ATG14: variants seen among roughly 807,000 people sequenced by gnomAD.
ATG14 encodes autophagy related 14.
Under a neutral mutation model 60.4 loss-of-function variants are expected in ATG14, and 35 were observed. The ratio of observed to expected loss-of-function variants is 0.58; its 90% CI spans 0.44 to 0.77. The LOEUF is 0.77. ATG14 is among the 30% of genes least tolerant of loss of function. ATG14 has a pLI of 0.00. For missense variants in ATG14, 647 were observed against 626.3 expected, an observed-to-expected ratio of 1.03 and a Z score of -0.35; for synonymous variants, 234 against 228.8, an observed-to-expected ratio of 1.02 and a Z score of -0.21.
Position 55,380,605 on chromosome 14 carries a change from A to G in ATG14, c.963T>C (p.Leu321=), listed in dbSNP as rs1460668646. ...TQLVNILSHI[L]DVNLPKKLCN... is the part of the protein sequence containing the mutation. ...AGAGCTTTTTGGGAAGATTTACATC[A>G]AGTATATGAGACAGAATGTTGACCA... Residue 321 remains leucine (L), a synonymous_variant, in exon 7 of 10, where the codon CTT becomes CTC. Coordinates refer to ENST00000247178, the MANE Select transcript of ATG14 (RefSeq NM_014924.5). 1.9e-6 allele frequency: 3 copies of G among 1,612,562 alleles called. No homozygotes were observed. The highest frequency in any genetic ancestry group is 1.7e-6 in the Non-Finnish European group (2 of 1,179,298).
rs1412693338 is a variant in ATG14, at chr14:55,411,790, C to G, written c.33G>C (p.Ala11=). 1.9e-6 allele frequency: 3 copies of G among 1,600,746 alleles called. No individual in the cohort carries two copies. The African/African-American group carries it at 4.0e-5, about 21-fold the overall frequency. Residue 11 remains alanine (A), a synonymous_variant, in exon 1 of 10, where the codon GCG becomes GCC. Transcript: ENST00000247178. MASPSGKGAR[A]LEAPGCGPRP... ...GGGGCCCGCAGCCAGGAGCCTCCAGCGCCCGGGCTCCCTTCCCACTGGGAG... is the reference window on the plus strand; with the variant it reads ...GGGGCCCGCAGCCAGGAGCCTCCAGGGCCCGGGCTCCCTTCCCACTGGGAG...
chr14:55,393,254 G>A (rs537327472), intron 3 of ATG14, among the ~76,000 whole-genome samples: 133 of 152,136 alleles, frequency 8.7e-4, no homozygotes, highest in Non-Finnish European at 1.2e-3. Context: ...GCGTGGTGGT[G>A]GGCGCCTGTA....
rs767535017 is a variant in ATG14 at position 55,367,129 on chromosome 14, C to T, written c.*2490G>A. 6.6e-6 allele frequency: 1 copy of T among 152,460 alleles called. No individual in the cohort carries two copies. The highest frequency in any genetic ancestry group is 1.5e-5 in the Non-Finnish European group (1 of 68,050). 9.4% of individuals were successfully genotyped at this position (152,460 alleles called of 1,614,324 possible). On this transcript the variant is annotated 3_prime_UTR_variant, in exon 10 of 10. Coordinates refer to ENST00000247178, the MANE Select transcript of ATG14 (RefSeq NM_014924.5). ...AGTACTCTAGATGAGTTTGTGATCT[C>T]TGGATTCTATTCTTTAGCTTCATCT...
intron 9 of ATG14, among the ~76,000 whole-genome samples, chr14:55,370,699 T>G (rs1406581522): frequency 6.6e-6 from 1 of 152,018 alleles, no homozygotes; most frequent in African/African-American, 2.4e-5. Flanking sequence ...TGGAGTGCAG[T>G]GGCGCCATCT....
intron 9 of ATG14, among the ~76,000 whole-genome samples, chr14:55,372,561 C>CCCTTTCTTTCCATCCTTTCTT: frequency 6.6e-6 from 1 of 151,180 alleles, no homozygotes; most frequent in African/African-American, 2.4e-5. Flanking sequence ...CTTTCTCCCT[C>CCCTTTCTTTCCATCCTTTCTT]CCTCCCTTCT....
At chr14:55,370,004 C>T (rs1332405861) in intron 9 of ATG14, 79 bp from the exon 10 acceptor site, 48 of 1,416,878 alleles carry the variant, frequency 3.4e-5, no homozygotes, top group Non-Finnish European at 4.3e-5. Flanking sequence ...CCTGAAGGCC[C>T]TCACCTGAGG....
intron 1 of ATG14, among the ~76,000 whole-genome samples, chr14:55,403,628 T>C (rs753944774): frequency 1.3e-5 from 2 of 152,168 alleles, no homozygotes; most frequent in South Asian, 4.2e-4. Flanking sequence ...GGAATAATAT[T>C]GTGTACCGGC....
chr14:55,369,803 C>T lies in ATG14; in HGVS notation c.1295G>A (p.Gly432Asp). ...ERVSDEETDL[G>D]TDWENLPSPR... is the part of the protein sequence containing the mutation. ...ACTAGGCAAGTTCTCCCAGTCTGTGCCCAGGTCGGTTTCTTCATCGCTGAC... is the reference window on the plus strand; with the variant it reads ...ACTAGGCAAGTTCTCCCAGTCTGTGTCCAGGTCGGTTTCTTCATCGCTGAC... Residue 432 changes from glycine (G) to aspartate (D), a missense_variant, in exon 10 of 10, where the codon GGC becomes GAC. Gly to Asp is a moderately conservative substitution (Grantham distance 94). Coordinates refer to ENST00000247178, the MANE Select transcript of ATG14 (RefSeq NM_014924.5). The T allele has an allele frequency of 1.2e-6, 2 of 1,614,184 alleles. No individual in the cohort carries two copies. Among genetic ancestry groups the T allele is most frequent in the East Asian group, 2.2e-5 (1 of 44,882 alleles).
chr14:55,373,883 C>T (rs1248099465), intron 9 of ATG14, among the ~76,000 whole-genome samples: 1 of 152,018 alleles, frequency 6.6e-6, no homozygotes, highest in East Asian at 1.9e-4. Context: ...GAAATCCCAC[C>T]CAGGTTCCAT....
intron 4 of ATG14, among the ~76,000 whole-genome samples, chr14:55,386,662 C>G (rs1038271058): frequency 1.3e-5 from 2 of 152,170 alleles, no homozygotes; most frequent in Admixed American, 6.5e-5. Context: ...TATCTAGACA[C>G]GCATGCCCAG....
At chr14:55,402,944 TATATATATATATATATATATATATAA>T (rs1383635987) in intron 1 of ATG14, among the ~76,000 whole-genome samples, 20 of 53,766 alleles carry the variant, frequency 3.7e-4, no homozygotes, top group Middle Eastern at 9.6e-3. Flanking sequence ...TATATATATA[TATATATATATATATATATATATATAA>T]ATAGCTGGGC....
intron 3 of ATG14, among the ~76,000 whole-genome samples, chr14:55,392,948 T>C (rs1254819550): frequency 5.9e-5 from 9 of 152,202 alleles, no homozygotes; most frequent in African/African-American, 2.2e-4. Context: ...ACAGAGTCTT[T>C]AGAAATGAAT....
Position 55,411,830 on chromosome 14 carries a change from T to C in ATG14, c.-8A>G. The C allele has an allele frequency of 2.5e-6, 4 of 1,582,482 alleles. No homozygotes were observed. Among genetic ancestry groups the C allele is most frequent in the Non-Finnish European group, 3.4e-6 (4 of 1,164,752 alleles). On this transcript the variant is annotated 5_prime_UTR_variant, in exon 1 of 10. Coordinates refer to ENST00000247178, the MANE Select transcript of ATG14 (RefSeq NM_014924.5). ...CCCACTGGGAGACGCCATGATGGCC[T>C]GAGAGGAGAGCCAGTCACGTGGGAT...
At chr14:55,376,709 G>C (rs1310074731) in intron 9 of ATG14, among the ~76,000 whole-genome samples, 1 of 152,168 alleles carries the variant, frequency 6.6e-6, no homozygotes, top group African/African-American at 2.4e-5. Flanking sequence ...ATGCGGAAGG[G>C]AAACCCAAAA....
At chr14:55,370,747 T>G (rs1220956210) in intron 9 of ATG14, among the ~76,000 whole-genome samples, 2 of 152,132 alleles carry the variant, frequency 1.3e-5, no homozygotes, top group East Asian at 3.9e-4. Context: ...TGCAAGCGAT[T>G]CTCCTGCCTC....
At position 55,388,091 on chromosome 14, in the gene ATG14, C is replaced by T. The variant is rs937502253; in HGVS notation, c.410-1995G>A. Among the ~76,000 whole-genome samples, 4 of 152,124 alleles carry T rather than the reference C, an allele frequency of 2.6e-5. No individual in the cohort carries two copies. In the South Asian group the frequency reaches 6.2e-4, roughly 24 times the overall value. On this transcript the variant is annotated intron_variant, in intron 4 of 9. Transcript: ENST00000247178. Reference sequence around the variant, plus strand: ...GGTGAAGGTTGCAGTGAGCCGAGATCGTGCCACTGCACTCCAGCCTGGGCG... The same window carrying T: ...GGTGAAGGTTGCAGTGAGCCGAGATTGTGCCACTGCACTCCAGCCTGGGCG...
In ATG14 at chr14:55,367,780, T is replaced by TAC. The variant is rs1884714412; in HGVS notation, c.*1837_*1838dup. The TAC allele has an allele frequency of 6.6e-6, 1 of 151,398 alleles. No individual in the cohort carries two copies. Among genetic ancestry groups the TAC allele is most frequent in the South Asian group, 2.1e-4 (1 of 4,800 alleles). 9.4% of individuals were successfully genotyped at this position (151,398 alleles called of 1,614,324 possible). ...AAGACCACCCACAACGAGAAAAGCC[T>TAC]ACTTCCTCCTTTCATGGAAAATTCA... On this transcript the variant is annotated 3_prime_UTR_variant, in exon 10 of 10. Transcript: ENST00000247178.
chr14:55,383,552 A>G (rs1450399638), intron 5 of ATG14, among the ~76,000 whole-genome samples: 1 of 152,020 alleles, frequency 6.6e-6, no homozygotes, highest in Non-Finnish European at 1.5e-5. Context: ...CTCCATCTCA[A>G]AAAAACACAA....
intron 1 of ATG14, among the ~76,000 whole-genome samples, chr14:55,399,862 C>T (rs1885369822): frequency 4.6e-5 from 7 of 152,190 alleles, no homozygotes; most frequent in Admixed American, 3.9e-4. Flanking sequence ...GGAAGACAGA[C>T]AACTGTGTCT....
Sources: allele counts gnomAD v4.1 joint callset (sites outside exome capture counted in the v4.1 genomes callset), GRCh38; gene constraint gnomAD v4.1.1; transcripts MANE v1.5; gene names NCBI Gene and HGNC (gene_info 2026-07-23, HGNC 2026-07-21).